ZNF827: variants seen among roughly 807,000 people sequenced by gnomAD.
ZNF827 encodes zinc finger protein 827.
Under a neutral mutation model 102.4 loss-of-function variants are expected in ZNF827, and 13 were observed. The ratio of observed to expected loss-of-function variants is 0.13; its 90% confidence interval spans 0.08 to 0.20. The LOEUF is 0.20. ZNF827 is among the 10% of genes least tolerant of loss of function. ZNF827 has a pLI of 1.00. For synonymous variants in ZNF827, 523 were observed against 536.2 expected, an observed-to-expected ratio of 0.98 and a Z score of 0.34; for missense variants, 1,103 against 1,344.4, an observed-to-expected ratio of 0.82 and a Z score of 2.81.
At chr4:145,843,300 A>G (rs947106162) in intron 7 of ZNF827, among the ~76,000 whole-genome samples, 1 of 151,890 alleles carries the variant, frequency 6.6e-6, no homozygotes, top group Non-Finnish European at 1.5e-5. Context: ...TCTAAACACC[A>G]TATCATGCCG....
intron 11 of ZNF827, among the ~76,000 whole-genome samples, chr4:145,772,224 C>T (rs1736401964): frequency 6.6e-6 from 1 of 152,174 alleles, no homozygotes; most frequent in South Asian, 2.1e-4. Flanking sequence ...ACATTGATTC[C>T]CCACTTGTAC....
At chr4:145,856,123 T>C (rs143112648) in intron 5 of ZNF827, among the ~76,000 whole-genome samples, 115 of 151,964 alleles carry the variant, frequency 7.6e-4, no homozygotes, top group Non-Finnish European at 1.4e-3. Flanking sequence ...GGCTCCCGAG[T>C]AGCTGGGATT....
chr4:145,925,099 A>G (rs867765244), intron 1 of ZNF827, among the ~76,000 whole-genome samples: 4 of 152,068 alleles, frequency 2.6e-5, no homozygotes, highest in African/African-American at 4.8e-5. Flanking sequence ...GTGCAGGGGA[A>G]CTCCCCTTTA....
chr4:145,800,218 C>A (rs1740758187), intron 8 of ZNF827, among the ~76,000 whole-genome samples: 1 of 152,120 alleles, frequency 6.6e-6, no homozygotes. Context: ...TCACAGTTGT[C>A]CAGTTGTCTT....
intron 7 of ZNF827, among the ~76,000 whole-genome samples, chr4:145,823,745 TG>T (rs1461132809): frequency 6.6e-6 from 1 of 152,188 alleles, no homozygotes; most frequent in Non-Finnish European, 1.5e-5. Context: ...GTTTTATATT[TG>T]GGGGGAATAA....
intron 6 of ZNF827, among the ~76,000 whole-genome samples, chr4:145,847,025 G>A (rs112407942): frequency 0.046 from 6,950 of 151,844 alleles, 391 homozygotes; most frequent in East Asian, 0.16. Flanking sequence ...GTGATGGCGC[G>A]TGCCTGTAGT....
chr4:145,903,320 A>G, intron 1 of ZNF827, 105 bp from the exon 2 acceptor site: 2 of 1,460,866 alleles, frequency 1.4e-6, no homozygotes, highest in South Asian at 1.4e-5. Context: ...CCTTCCACCC[A>G]AGAACCAAAT....
intron 4 of ZNF827, among the ~76,000 whole-genome samples, chr4:145,874,832 C>T (rs1749014612): frequency 6.6e-6 from 1 of 152,220 alleles, no homozygotes; most frequent in Non-Finnish European, 1.5e-5. Context: ...AATCAAGAGG[C>T]CCCCTCTCTC....
intron 4 of ZNF827, among the ~76,000 whole-genome samples, chr4:145,875,569 A>T (rs72954690): frequency 0.017 from 2,652 of 152,326 alleles, 74 homozygotes; most frequent in African/African-American, 0.06. Flanking sequence ...AGAAATCCTG[A>T]GAAGATTTGA....
chr4:145,871,669 C>T lies in ZNF827; in HGVS notation c.1748-1191G>A, dbSNP rs891856429. ...CTTAAGTCCATTCCATCTTAACAGA[C>T]AAAAAGATAAAAATAAATCCCCGAA... On this transcript the variant is annotated intron_variant, in intron 4 of 14. Coordinates refer to ENST00000508784, the MANE Select transcript of ZNF827 (RefSeq NM_001306215.2). Among the ~76,000 whole-genome samples the T allele has an allele frequency of 7.2e-5, 11 of 152,266 alleles. No homozygotes were observed. The South Asian group carries it at 1.5e-3, about 20-fold the overall frequency.
chr4:145,840,285 T>C (rs567605148), intron 7 of ZNF827, among the ~76,000 whole-genome samples: 7 of 152,390 alleles, frequency 4.6e-5, no homozygotes, highest in South Asian at 4.1e-4. Context: ...TGGTGTAGGC[T>C]GTGCACTGCA....
intron 11 of ZNF827, among the ~76,000 whole-genome samples, chr4:145,767,797 G>A (rs1014583655): frequency 6.6e-6 from 1 of 151,906 alleles, no homozygotes; most frequent in African/African-American, 2.4e-5. Context: ...ACAAACAAAA[G>A]CTCACATTAA....
chr4:145,855,974 A>G (rs1267393026), intron 5 of ZNF827, among the ~76,000 whole-genome samples: 2 of 150,724 alleles, frequency 1.3e-5, no homozygotes, highest in African/African-American at 4.9e-5. Flanking sequence ...AAACAGAATC[A>G]CAAGTCGATT....
chr4:145,770,844 G>T (rs1004271506), intron 11 of ZNF827: 2 of 152,136 alleles, frequency 1.3e-5, no homozygotes, highest in African/African-American at 4.8e-5. Context: ...GGGTCACAGG[G>T]CATTACATTT....
chr4:145,765,001 T>C lies in ZNF827; in HGVS notation c.3217A>G (p.Thr1073Ala), dbSNP rs778672421. Residue 1073 changes from threonine to alanine, a missense_variant, in exon 13 of 15, where the codon ACC (threonine) becomes GCC (alanine). Around this residue, in one of 5 missense-constraint regions of ZNF827, gnomAD observed 242 missense variants for 361.9 expected, o/e 0.67. Transcript: ENST00000508784. The surrounding 1 kb of genome is among the most constrained non-coding windows in gnomAD (Gnocchi z 4.7). ...LEHKKCHTVPTGGLNSGQW is the reference protein window; with the variant it reads ...LEHKKCHTVPAGGLNSGQW ...TGCTTTCCTTACTTGAGCCCACCGG[T>C]GGGGACAGTGTGGCATTTCTTATGC... 3 of 1,613,466 alleles carry C rather than the reference T, an allele frequency of 1.9e-6. No individual in the cohort carries two copies. The highest frequency in any genetic ancestry group is 8.5e-7 in the Non-Finnish European group (1 of 1,179,688).
intron 5 of ZNF827, among the ~76,000 whole-genome samples, chr4:145,867,246 C>G (rs933685534): frequency 6.6e-6 from 1 of 152,180 alleles, no homozygotes. Flanking sequence ...AAATAGAACT[C>G]GAACCACAGG....
chr4:145,906,618 A>G (rs1751890631), intron 1 of ZNF827, among the ~76,000 whole-genome samples: 1 of 152,250 alleles, frequency 6.6e-6, no homozygotes, highest in South Asian at 2.1e-4. Flanking sequence ...GAAACTGTCA[A>G]TTCAGGTTCT....
chr4:145,767,468 A>T (rs1168452173), intron 11 of ZNF827, among the ~76,000 whole-genome samples: 1 of 152,132 alleles, frequency 6.6e-6, no homozygotes, highest in African/African-American at 2.4e-5. Flanking sequence ...ATGGCCAAAA[A>T]TTTTCCAAAT....
chr4:145,933,002 T>C (rs1047815749), intron 1 of ZNF827, among the ~76,000 whole-genome samples: 1 of 152,134 alleles, frequency 6.6e-6, no homozygotes, highest in Non-Finnish European at 1.5e-5. Flanking sequence ...AATTTATACC[T>C]CTCCAGCATG....
Sources: gnomAD v4.1 joint callset for allele counts (sites outside exome capture counted in the v4.1 genomes callset) on GRCh38, gnomAD v4.1.1 for gene constraint, gnomAD v4.1.1 regional missense constraint, Gnocchi (gnomAD v3.1) non-coding constraint, MANE v1.5 for transcripts, NCBI Gene and HGNC (gene_info 2026-07-23, HGNC 2026-07-21) for gene names.